The following SSBP2 variants were observed in gnomAD, a reference collection of about 807,000 sequenced individuals.
SSBP2 encodes the protein single stranded DNA binding protein 2.
A neutral mutation model predicts 61.8 loss-of-function variants in SSBP2; 17 were observed. The observed-to-expected ratio is 0.28, with a 90% confidence interval of 0.19 to 0.41. The LOEUF (loss-of-function observed/expected upper bound fraction) is 0.41, where lower values mean the gene tolerates loss of function less well. Among genes scored for constraint, SSBP2 ranks in the 10% least tolerant of loss-of-function variants. The probability of loss-of-function intolerance (pLI) is 1.00; values close to 1 mark genes in which losing one functional copy is unlikely to be tolerated. For missense variants in SSBP2, 310 were observed against 458.7 expected (o/e 0.68, Z 2.96); for synonymous variants, 139 against 141.3 (o/e 0.98, Z 0.12).
At chr5:81,441,908 G>C (rs1763064856) in intron 13 of SSBP2, among the ~76,000 whole-genome samples, 1 of 152,144 alleles carries the variant, frequency 6.6e-6, no homozygotes, top group South Asian at 2.1e-4. Flanking sequence ...ACTGGTGCTG[G>C]TAGGCCTAGT....
intron 3 of SSBP2, 117 bp from the exon 4 acceptor site, chr5:81,615,674 G>C (rs1442058182): frequency 1.1e-5 from 7 of 664,014 alleles, no homozygotes; most frequent in African/African-American, 1.9e-5. Context: ...CTTCAGAACA[G>C]ATATCTATCT....
chr5:81,713,207 T>G (rs1754915412), intron 1 of SSBP2, among the ~76,000 whole-genome samples: 1 of 152,084 alleles, frequency 6.6e-6, no homozygotes, highest in Non-Finnish European at 1.5e-5. Context: ...AAATTTGCAG[T>G]ACCAGGTACC....
chr5:81,605,945 C>T (rs897381739), intron 4 of SSBP2, among the ~76,000 whole-genome samples: 3 of 152,054 alleles, frequency 2.0e-5, no homozygotes, highest in Non-Finnish European at 2.9e-5. Flanking sequence ...GGGGGAAAAA[C>T]GGTTGAGAAC....
chr5:81,586,371 G>A, intron 4 of SSBP2, among the ~76,000 whole-genome samples: 1 of 151,848 alleles, frequency 6.6e-6, no homozygotes, highest in Non-Finnish European at 1.5e-5. Flanking sequence ...ATCTCATTGT[G>A]GTTTTAATTT....
At chr5:81,501,799 G>C (rs562903904) in intron 5 of SSBP2, among the ~76,000 whole-genome samples, 1 of 151,710 alleles carries the variant, frequency 6.6e-6, no homozygotes, top group Non-Finnish European at 1.5e-5. Context: ...ATCTGACCTC[G>C]TGATCCTCCC....
At chr5:81,468,076 A>G (rs942086007) in intron 8 of SSBP2, among the ~76,000 whole-genome samples, 6 of 151,982 alleles carry the variant, frequency 3.9e-5, no homozygotes, top group African/African-American at 9.7e-5. Flanking sequence ...TACTCACAAC[A>G]TATCTAAAAG....
chr5:81,691,535 A>G (rs1422164293), intron 1 of SSBP2, among the ~76,000 whole-genome samples: 1 of 152,028 alleles, frequency 6.6e-6, no homozygotes, highest in African/African-American at 2.4e-5. Flanking sequence ...GAACAGACCA[A>G]TAACAAGTAA....
chr5:81,614,190 T>C (rs1042566235), intron 4 of SSBP2, among the ~76,000 whole-genome samples: 1 of 151,716 alleles, frequency 6.6e-6, no homozygotes, highest in Non-Finnish European at 1.5e-5. Flanking sequence ...GAAACCCCGT[T>C]TCTACTAAAA....
At chr5:81,701,564 G>A (rs556703473) in intron 1 of SSBP2, among the ~76,000 whole-genome samples, 1 of 152,228 alleles carries the variant, frequency 6.6e-6, no homozygotes, top group Non-Finnish European at 1.5e-5. Flanking sequence ...AAAACAAGGT[G>A]CACCTGTACT....
At chr5:81,539,440 T>C (rs941658188) in intron 4 of SSBP2, among the ~76,000 whole-genome samples, 9 of 152,208 alleles carry the variant, frequency 5.9e-5, no homozygotes, top group South Asian at 2.1e-4. Flanking sequence ...GAATATTACA[T>C]AAACTGAGTT....
At chr5:81,634,434 C>T (rs1050537382) in intron 3 of SSBP2, among the ~76,000 whole-genome samples, 3 of 152,094 alleles carry the variant, frequency 2.0e-5, no homozygotes, top group Non-Finnish European at 4.4e-5. Flanking sequence ...CTAAGATGTA[C>T]GAAATCAAGC....
intron 1 of SSBP2, among the ~76,000 whole-genome samples, chr5:81,732,377 TAGTAAC>T (rs1261069446): frequency 5.9e-5 from 9 of 152,196 alleles, no homozygotes; most frequent in Admixed American, 5.9e-4. Context: ...ACACATCCAA[TAGTAAC>T]ACTAATGCAC....
chr5:81,599,237 C>G (rs2153551192), intron 4 of SSBP2, among the ~76,000 whole-genome samples: 2 of 152,274 alleles, frequency 1.3e-5, no homozygotes, highest in South Asian at 4.1e-4. Flanking sequence ...GTTAACCAAT[C>G]AGAATACTCA....
At chr5:81,586,947 A>C (rs569077394) in intron 4 of SSBP2, among the ~76,000 whole-genome samples, 9 of 152,130 alleles carry the variant, frequency 5.9e-5, no homozygotes, top group African/African-American at 1.9e-4. Flanking sequence ...CACTTCACAT[A>C]TATTATCACA....
intron 1 of SSBP2, among the ~76,000 whole-genome samples, chr5:81,678,046 T>C (rs1349436340): frequency 1.3e-5 from 2 of 152,142 alleles, no homozygotes; most frequent in Non-Finnish European, 1.5e-5. Context: ...AATGTACAGT[T>C]TGAAGAGACT....
intron 1 of SSBP2, among the ~76,000 whole-genome samples, chr5:81,731,779 A>T (rs1044877082): frequency 6.6e-6 from 1 of 151,738 alleles, no homozygotes; most frequent in Non-Finnish European, 1.5e-5. Flanking sequence ...TATGATGGTG[A>T]TAAGATAAAC....
At chr5:81,480,052 G>C (rs909996922) in intron 6 of SSBP2, among the ~76,000 whole-genome samples, 2 of 152,062 alleles carry the variant, frequency 1.3e-5, no homozygotes, top group East Asian at 3.9e-4. Flanking sequence ...AGCAGTGTCA[G>C]GGCTCAAGAT....
At chr5:81,643,684 C>A (rs1237324940) in intron 2 of SSBP2, among the ~76,000 whole-genome samples, 1 of 146,378 alleles carries the variant, frequency 6.8e-6, no homozygotes, top group Non-Finnish European at 1.5e-5. Context: ...CTCACTGCAA[C>A]CTCCACTGCC....
chr5:81,674,467 C>A (rs1254085288), intron 1 of SSBP2, among the ~76,000 whole-genome samples: 1 of 152,120 alleles, frequency 6.6e-6, no homozygotes, highest in African/African-American at 2.4e-5. Context: ...CCAGTCAAAG[C>A]TTATTCAATT....
Sources: allele counts gnomAD v4.1 joint callset (sites outside exome capture counted in the v4.1 genomes callset), GRCh38; gene constraint gnomAD v4.1.1; transcripts MANE v1.5; gene names NCBI Gene and HGNC (gene_info 2026-07-23, HGNC 2026-07-21).